The following GPR107 variants were observed in gnomAD, a reference collection of about 807,000 sequenced individuals.
The protein encoded by GPR107 is G protein-coupled receptor 107.
A neutral mutation model predicts 75.5 loss-of-function variants in GPR107; 31 were observed. The observed-to-expected ratio is 0.41, with a 90% CI of 0.31 to 0.55. The LOEUF (loss-of-function observed/expected upper bound fraction) is 0.55. Among genes scored for constraint, GPR107 ranks in the 20% least tolerant of loss-of-function variants. The pLI, the probability that GPR107 is intolerant of heterozygous loss-of-function variation, is 0.26. For missense variants in GPR107, 572 were observed against 665.7 expected (o/e 0.86, Z 1.55); for synonymous variants, 267 against 251.3 (o/e 1.06, Z -0.59).
intron 13 of GPR107, 31 bp from the exon 14 acceptor site, chr9:130,107,465 A>T (rs1831187475): frequency 2.1e-6 from 3 of 1,411,492 alleles, no homozygotes; most frequent in Non-Finnish European, 3.0e-6. Context: ...TTTGTCAGCT[A>T]ACTTTTTGTT....
chr9:130,120,910 A>T (rs1564682956), intron 14 of GPR107: 1 of 152,028 alleles, frequency 6.6e-6, no homozygotes, highest in Non-Finnish European at 1.5e-5. Context: ...TGACTAGTTT[A>T]AAAAACAAAC....
At chr9:130,058,133 A>T (rs1332717197) in intron 1 of GPR107, among the ~76,000 whole-genome samples, 3 of 151,496 alleles carry the variant, frequency 2.0e-5, no homozygotes, top group African/African-American at 7.3e-5. Context: ...CTGGCTATTT[A>T]TTATTTTTGT....
intron 17 of GPR107, among the ~76,000 whole-genome samples, chr9:130,133,414 T>TGATTACTGGAGTGTTTCTGG (rs1831877537): frequency 6.6e-6 from 1 of 152,206 alleles, no homozygotes; most frequent in Admixed American, 6.5e-5. Flanking sequence ...GACAGCTGTG[T>TGATTACTGGAGTGTTTCTGG]GATTACTGGA....
intron 6 of GPR107, among the ~76,000 whole-genome samples, chr9:130,084,712 G>T (rs1053169862): frequency 1.3e-5 from 2 of 151,802 alleles, no homozygotes. Flanking sequence ...GGAGGCTAAG[G>T]CTACAGTGAG....
chr9:130,090,791 CA>C, intron 7 of GPR107, 84 bp from the exon 8 acceptor site: 2 of 536,696 alleles, frequency 3.7e-6, no homozygotes, highest in African/African-American at 2.0e-5. Flanking sequence ...AAAAAGTAAA[CA>C]ATACTTTAAA....
chr9:130,105,895 A>G (rs565951310), intron 13 of GPR107, among the ~76,000 whole-genome samples: 117 of 150,444 alleles, frequency 7.8e-4, no homozygotes, highest in African/African-American at 2.8e-3. Flanking sequence ...CCTGGGTTCA[A>G]GTGATCTTCC....
At chr9:130,115,069 T>C (rs1831389299) in intron 14 of GPR107, among the ~76,000 whole-genome samples, 1 of 152,208 alleles carries the variant, frequency 6.6e-6, no homozygotes, top group Non-Finnish European at 1.5e-5. Flanking sequence ...GCATCATGGC[T>C]GCAACTCATG....
Position 130,106,555 on chromosome 9 carries a change from C to T in GPR107, c.1263-941C>T, listed in dbSNP as rs552740920. Reference sequence around the variant, plus strand: ...GAGGTTGCAGTGAGCCAAGATCATGCCACTGCACTCCAGCCTGGCGACAGA... The same window carrying T: ...GAGGTTGCAGTGAGCCAAGATCATGTCACTGCACTCCAGCCTGGCGACAGA... On this transcript the variant is annotated intron_variant, in intron 13 of 17. Coordinates refer to ENST00000347136, the MANE Select transcript of GPR107 (RefSeq NM_020960.5). Among the ~76,000 whole-genome samples the T allele has an allele frequency of 2.6e-5, 4 of 151,664 alleles. No homozygotes were observed. In the South Asian group the frequency reaches 8.3e-4, roughly 32 times the overall value.
intron 1 of GPR107, among the ~76,000 whole-genome samples, chr9:130,073,755 G>A (rs1215347898): frequency 6.6e-6 from 1 of 152,112 alleles, no homozygotes; most frequent in African/African-American, 2.4e-5. Context: ...TGTTTTGTTT[G>A]TTTGTTGTTG....
intron 14 of GPR107, among the ~76,000 whole-genome samples, chr9:130,121,403 C>T (rs531193101): frequency 9.6e-4 from 146 of 152,326 alleles, no homozygotes; most frequent in Non-Finnish European, 1.7e-3. Context: ...TGTTGGGCCG[C>T]ATTCAAAGCT....
chr9:130,134,978 TAA>T (rs1564689599), intron 17 of GPR107, 45 bp from the exon 18 acceptor site: 1 of 1,098,322 alleles, frequency 9.1e-7, no homozygotes, highest in East Asian at 2.4e-5. Flanking sequence ...GGCCTTTTAC[TAA>T]GAGACTGTGA....
In GPR107 at chr9:130,083,566, T is replaced by A; in HGVS notation, c.528T>A (p.Asp176Glu). Residue 176 changes from aspartate (D) to glutamate (E), a missense_variant and splice_region_variant, in exon 6 of 18, where the codon GAT becomes GAA. By Grantham distance (45) the Asp-to-Glu change is conservative (BLOSUM62 2). Transcript: ENST00000347136. ...SAGNQTQKTQ[D>E]GGKSKRSTVD... is the part of the protein sequence containing the mutation. ...TCTTTTAAATGTTCTTGCTTCTAGATGGTGGAAAGTCTAAAAGAAGTACAG... is the reference window on the plus strand; with the variant it reads ...TCTTTTAAATGTTCTTGCTTCTAGAAGGTGGAAAGTCTAAAAGAAGTACAG... 1 of 1,522,646 alleles carries A rather than the reference T, an allele frequency of 6.6e-7. No homozygotes were observed. The highest frequency in any genetic ancestry group is 8.8e-7 in the Non-Finnish European group (1 of 1,142,800). The allele number at this position is 1,522,646 out of a possible 1,614,324, so 94.3% of individuals were successfully genotyped here.
intron 13 of GPR107, among the ~76,000 whole-genome samples, chr9:130,105,575 A>G (rs182285693): frequency 2.4e-4 from 36 of 150,572 alleles, no homozygotes; most frequent in African/African-American, 8.3e-4. Flanking sequence ...TCTTATTGCA[A>G]TGCCCCATCC....
In GPR107 at chr9:130,114,790, T is replaced by C. The variant is rs950071103; in HGVS notation, c.1306+7251T>C. On this transcript the variant is annotated intron_variant, in intron 14 of 17. Transcript: ENST00000347136. Reference sequence around the variant, plus strand: ...GTGAAAAGGTCTTCAGACCAAAAGGTGGAGAACTGCTGTGTTAGAGATGAG... The same window carrying C: ...GTGAAAAGGTCTTCAGACCAAAAGGCGGAGAACTGCTGTGTTAGAGATGAG... The C allele has an allele frequency of 3.9e-5, 20 of 518,316 alleles. No homozygotes were observed. In the African/African-American group the frequency reaches 4.2e-4, roughly 11 times the overall value. 32.1% of individuals were successfully genotyped at this position (518,316 alleles called of 1,614,324 possible).
chr9:130,062,282 G>A (rs528505), intron 1 of GPR107, among the ~76,000 whole-genome samples: 1,831 of 151,726 alleles, frequency 0.012, 23 homozygotes, highest in Middle Eastern at 0.055. Flanking sequence ...GCGTGGTGGC[G>A]CATGCCTGTA....
chr9:130,098,954 G>A lies in GPR107; in HGVS notation c.864-503G>A, dbSNP rs1287027308. ...CTTGATCCCGGGAGGTGGAGTTAGC[G>A]GGGAGCCAAGTTTGTGCCACTGCAC... On this transcript the variant is annotated intron_variant, in intron 9 of 17. Coordinates refer to ENST00000347136, the MANE Select transcript of GPR107 (RefSeq NM_020960.5). 4.6e-5 allele frequency among the ~76,000 whole-genome samples: 7 copies of A among 152,150 alleles called. No homozygotes were observed. In the South Asian group the frequency reaches 1.2e-3, roughly 27 times the overall value.
intron 1 of GPR107, among the ~76,000 whole-genome samples, chr9:130,071,191 AT>A (rs1233744458): frequency 6.7e-3 from 906 of 134,948 alleles, no homozygotes; most frequent in Admixed American, 0.013. Flanking sequence ...CAACTGGCTA[AT>A]TTTTTTTTTT....
chr9:130,111,301 T>C (rs1456725107), intron 14 of GPR107, among the ~76,000 whole-genome samples: 1 of 151,998 alleles, frequency 6.6e-6, no homozygotes, highest in African/African-American at 2.4e-5. Context: ...AGATCCCATC[T>C]CTACCAAAAC....
rs1831977387 is a variant in GPR107, at chr9:130,137,078, A to G, written c.*1957A>G. The G allele has an allele frequency of 1.3e-5, 2 of 152,342 alleles. No homozygotes were observed. Among genetic ancestry groups the G allele is most frequent in the South Asian group, 4.1e-4 (2 of 4,834 alleles). 9.4% of individuals were successfully genotyped at this position (152,342 alleles called of 1,614,324 possible). A position where few individuals can be genotyped will look rare whatever the true frequency, so the allele number is the denominator to read the frequency against. ...ATCTGTGACTACCAAAGCCCTCCTCAGTCCTTCCCTCAGAGGGACACATTT... is the reference window on the plus strand; with the variant it reads ...ATCTGTGACTACCAAAGCCCTCCTCGGTCCTTCCCTCAGAGGGACACATTT... On this transcript the variant is annotated 3_prime_UTR_variant, in exon 18 of 18. Transcript: ENST00000347136.
Sources: allele counts gnomAD v4.1 joint callset (sites outside exome capture counted in the v4.1 genomes callset), GRCh38; gene constraint gnomAD v4.1.1; transcripts MANE v1.5; gene names NCBI Gene and HGNC (gene_info 2026-07-23, HGNC 2026-07-21).